Variants in FOXN3 observed in about 807,000 individuals in gnomAD.
FOXN3 encodes the protein forkhead box protein N3.
FOXN3 carries 7 observed loss-of-function variants against 38.4 expected under a neutral mutation model. That is an observed-to-expected ratio of 0.18 (90% CI 0.10 to 0.34). The LOEUF (loss-of-function observed/expected upper bound fraction) is 0.34. Ranked by LOEUF, FOXN3 falls within the 10% of genes least tolerant of loss-of-function variation. FOXN3 has a pLI of 1.00. For synonymous variants in FOXN3, 230 were observed against 242.2 expected (o/e 0.95, Z 0.47); for missense variants, 456 against 613.4 (o/e 0.74, Z 2.71).
intron 3 of FOXN3, among the ~76,000 whole-genome samples, chr14:89,286,143 A>C (rs1886622749): frequency 6.7e-6 from 1 of 148,650 alleles, no homozygotes; most frequent in African/African-American, 2.5e-5. Context: ...ATTTTTGTTA[A>C]TGTATAAAAC....
chr14:89,256,051 G>C (rs1885609828), intron 4 of FOXN3, among the ~76,000 whole-genome samples: 1 of 152,150 alleles, frequency 6.6e-6, no homozygotes, highest in Non-Finnish European at 1.5e-5. Context: ...AGGCACATCT[G>C]ACATGCCCTA....
At chr14:89,241,911 T>C (rs1885151530) in intron 4 of FOXN3, among the ~76,000 whole-genome samples, 3 of 152,166 alleles carry the variant, frequency 2.0e-5, no homozygotes, top group South Asian at 2.1e-4. Context: ...TCCCCACCCA[T>C]GGAGAAAGCC....
rs1441659296 is a variant in FOXN3, at chr14:89,488,704, GCTT to G, written c.-14-76217_-14-76215del. Among the ~76,000 whole-genome samples, 3 of 151,844 alleles carry G rather than the reference GCTT, an allele frequency of 2.0e-5. No individual in the cohort carries two copies. In the East Asian group the frequency reaches 5.8e-4, roughly 29 times the overall value. Reference sequence around the variant, plus strand: ...TTTTCTAGAGGGAAGAACCGCAACTGCTTCAATGATTAATAGCAGAAGATTTGT... The same window carrying G: ...TTTTCTAGAGGGAAGAACCGCAACTGCAATGATTAATAGCAGAAGATTTGT... On this transcript the variant is annotated intron_variant, in intron 1 of 6. Transcript: ENST00000345097.
Position 89,246,542 on chromosome 14 carries a change from C to CT in FOXN3, c.745+34407dup, listed in dbSNP as rs755916666. ...TTCTCATCTTATTTGCAGGATGCGGCTTTTTTTTTTTTTTTTTTGAGACAG... is the reference window on the plus strand; with the variant it reads ...TTCTCATCTTATTTGCAGGATGCGGCTTTTTTTTTTTTTTTTTTTGAGACAG... On this transcript the variant is annotated intron_variant, in intron 4 of 5. Coordinates refer to ENST00000557258, the MANE Select transcript of FOXN3 (RefSeq NM_005197.4). Among the ~76,000 whole-genome samples, 227 of 83,992 alleles carry CT rather than the reference C, an allele frequency of 2.7e-3. 9 individuals carry two copies. Among genetic ancestry groups the CT allele is most frequent in the East Asian group, 7.6e-3 (22 of 2,898 alleles). 55.1% of individuals were successfully genotyped at this position (83,992 alleles called of 152,430 possible).
chr14:89,546,541 G>T (rs1241083523), intron 1 of FOXN3, among the ~76,000 whole-genome samples: 1 of 151,306 alleles, frequency 6.6e-6, no homozygotes, highest in African/African-American at 2.4e-5. Flanking sequence ...ATGTTGGCCA[G>T]GATGGTCTCA....
chr14:89,562,995 T>C (rs979313251), intron 1 of FOXN3, among the ~76,000 whole-genome samples: 8 of 152,206 alleles, frequency 5.3e-5, no homozygotes, highest in Admixed American at 5.2e-4. Flanking sequence ...GTCTAAGTAC[T>C]GCACACAGTA....
chr14:89,597,266 T>G (rs374741480), intron 1 of FOXN3, among the ~76,000 whole-genome samples: 7 of 152,306 alleles, frequency 4.6e-5, no homozygotes, highest in African/African-American at 1.7e-4. Context: ...TTCATTTATA[T>G]TTTTTGTAAT....
At chr14:89,498,207 TC>T (rs1270123868) in intron 1 of FOXN3, among the ~76,000 whole-genome samples, 1,307 of 128,426 alleles carry the variant, frequency 0.01, 28 homozygotes, top group African/African-American at 0.04. Flanking sequence ...TCTCTCTCTC[TC>T]TCTTTTTTTT....
chr14:89,562,252 T>C (rs1473902739), intron 1 of FOXN3, among the ~76,000 whole-genome samples: 1 of 152,134 alleles, frequency 6.6e-6, no homozygotes, highest in Non-Finnish European at 1.5e-5. Flanking sequence ...ATTTATCTAC[T>C]TTTTTGTTAT....
At chr14:89,592,875 C>G (rs191733447) in intron 1 of FOXN3, among the ~76,000 whole-genome samples, 1 of 152,268 alleles carries the variant, frequency 6.6e-6, no homozygotes, top group East Asian at 1.9e-4. Context: ...ATAGAGCAAC[C>G]AGGCCAAATT....
chr14:89,559,114 C>G (rs545530921), intron 1 of FOXN3, among the ~76,000 whole-genome samples: 32 of 152,106 alleles, frequency 2.1e-4, no homozygotes, highest in Non-Finnish European at 3.8e-4. Flanking sequence ...AATCCCAGCA[C>G]TTTACTTTGG....
intron 3 of FOXN3, among the ~76,000 whole-genome samples, chr14:89,303,378 G>A (rs2139949127): frequency 6.6e-6 from 1 of 151,894 alleles, no homozygotes; most frequent in East Asian, 1.9e-4. Flanking sequence ...TGAAACACAG[G>A]GTATTATAAG....
At chr14:89,448,812 G>A (rs1225547267) in intron 1 of FOXN3, among the ~76,000 whole-genome samples, 10 of 151,746 alleles carry the variant, frequency 6.6e-5, no homozygotes, top group Non-Finnish European at 8.8e-5. Flanking sequence ...GGGGTGGTGC[G>A]GCGCCTGTAG....
At chr14:89,524,169 T>G (rs778555077) in intron 1 of FOXN3, among the ~76,000 whole-genome samples, 3 of 145,990 alleles carry the variant, frequency 2.1e-5, no homozygotes, top group Non-Finnish European at 4.5e-5. Flanking sequence ...GGTCAGGAGA[T>G]CGAGACCATC....
At chr14:89,232,733 C>T (rs150157241) in intron 4 of FOXN3, among the ~76,000 whole-genome samples, 4 of 152,198 alleles carry the variant, frequency 2.6e-5, no homozygotes, top group African/African-American at 4.8e-5. Context: ...AGTGACAGCG[C>T]GCCAGCCTTA....
chr14:89,162,800 C>T lies in FOXN3; in HGVS notation c.1021G>A (p.Asp341Asn), dbSNP rs777311000. 17 of 1,612,566 alleles carry T rather than the reference C, an allele frequency of 1.1e-5. No individual in the cohort carries two copies. Among genetic ancestry groups the T allele is most frequent in the East Asian group, 4.5e-5 (2 of 44,876 alleles). The change falls in exon 6 of 6, where the codon GAC becomes AAC. Residue 341 changes from aspartate (D) to asparagine (N), a missense_variant. Asp to Asn is a conservative substitution (Grantham distance 23). Transcript: ENST00000557258. The surrounding 1 kb of genome is among the most constrained non-coding windows in gnomAD (Gnocchi z 7.2). ...DSISSSSSSA[D>N]DHYEFATKGS... Reference sequence around the variant, plus strand: ...TTGGTGGCAAACTCATAGTGGTCGTCGGCTGAGGAGGAGGAGGAGGAGATG... The same window carrying T: ...TTGGTGGCAAACTCATAGTGGTCGTTGGCTGAGGAGGAGGAGGAGGAGATG...
At chr14:89,354,724 G>A (rs1445087535) in intron 2 of FOXN3, among the ~76,000 whole-genome samples, 1 of 151,334 alleles carries the variant, frequency 6.6e-6, no homozygotes, top group East Asian at 2.0e-4. Flanking sequence ...GTTTTGTGGT[G>A]GGTGCCTGTA....
chr14:89,544,301 A>G (rs1201419230), intron 1 of FOXN3, among the ~76,000 whole-genome samples: 3 of 150,484 alleles, frequency 2.0e-5, no homozygotes, highest in East Asian at 3.9e-4. Context: ...TCGGCCTCCC[A>G]AAGTGCTGGG....
intron 1 of FOXN3, among the ~76,000 whole-genome samples, chr14:89,561,695 T>C (rs1895251575): frequency 6.6e-6 from 1 of 152,202 alleles, no homozygotes; most frequent in Admixed American, 6.5e-5. Context: ...AGGAAGTGCG[T>C]GTGTAGGAAA....
Sources: gnomAD v4.1 joint callset for allele counts (sites outside exome capture counted in the v4.1 genomes callset) on GRCh38, gnomAD v4.1.1 for gene constraint, Gnocchi (gnomAD v3.1) non-coding constraint, MANE v1.5 for transcripts, NCBI Gene and HGNC (gene_info 2026-07-23, HGNC 2026-07-21) for gene names.